Variants in OR6C2 observed in about 807,000 individuals in gnomAD.
OR6C2 encodes olfactory receptor family 6 subfamily C member 2.
For synonymous variants in OR6C2, 146 were observed against 134.2 expected (o/e 1.09, Z -0.61); for missense variants, 435 against 365.8 (o/e 1.19, Z -1.54).
chr12:55,445,276 T>A (rs1871341270), intron 1 of OR6C2, among the ~76,000 whole-genome samples: 1 of 152,180 alleles, frequency 6.6e-6, no homozygotes, highest in African/African-American at 2.4e-5. Context: ...AAGTATGTAT[T>A]TTCCTGTAAT....
intron 1 of OR6C2, among the ~76,000 whole-genome samples, chr12:55,450,668 G>A (rs971713243): frequency 2.6e-5 from 4 of 152,036 alleles, no homozygotes; most frequent in Non-Finnish European, 5.9e-5. Context: ...CACCCTTGAA[G>A]AGTAGAGGGT....
intron 1 of OR6C2, among the ~76,000 whole-genome samples, chr12:55,445,830 C>A (rs922471568): frequency 3.3e-5 from 5 of 152,142 alleles, no homozygotes; most frequent in Non-Finnish European, 7.3e-5. Context: ...CAACAAACTT[C>A]CTTAATTGCC....
At position 55,452,218 on chromosome 12, in the gene OR6C2, A is replaced by C. The variant is rs1871487704; in HGVS notation, c.5A>C (p.Lys2Thr). Residue 2 changes from lysine to threonine, a missense_variant, in exon 2 of 2, where the codon AAA (lysine) becomes ACA (threonine). By Grantham distance (78) the Lys-to-Thr change is moderately conservative (BLOSUM62 -1). Coordinates refer to ENST00000641202, the MANE Select transcript of OR6C2 (RefSeq NM_054105.2). Reference sequence around the variant, plus strand: ...GGTAGATATCAAAGAACAGTGATGAAAAACCACACAGTAATAAGAACTTTT... The same window carrying C: ...GGTAGATATCAAAGAACAGTGATGACAAACCACACAGTAATAAGAACTTTT... MKNHTVIRTFIL... is the reference protein window; with the variant it reads MTNHTVIRTFIL... 6.4e-7 allele frequency: 1 copy of C among 1,556,488 alleles called. No homozygotes were observed. The highest frequency in any genetic ancestry group is 8.7e-7 in the Non-Finnish European group (1 of 1,152,212).
At chr12:55,450,536 G>A (rs1404022639) in intron 1 of OR6C2, among the ~76,000 whole-genome samples, 3 of 152,082 alleles carry the variant, frequency 2.0e-5, no homozygotes, top group Non-Finnish European at 4.4e-5. Context: ...CTCAAAGAAG[G>A]AGCATGACTT....
In OR6C2 at chr12:55,453,242, C is replaced by A; in HGVS notation, c.*90C>A. 2.4e-6 allele frequency: 2 copies of A among 850,618 alleles called. No individual in the cohort carries two copies. Among genetic ancestry groups the A allele is most frequent in the Non-Finnish European group, 3.7e-6 (2 of 546,172 alleles). 52.7% of individuals were successfully genotyped at this position (850,618 alleles called of 1,614,324 possible). A position where few individuals can be genotyped will look rare whatever the true frequency, so the allele number is the denominator to read the frequency against. ...AACTTATTTCATTGCTTCCTGACTA[C>A]AGTTTAGTCATGTGAACCTTCTCAA... On this transcript the variant is annotated 3_prime_UTR_variant, in exon 2 of 2. Transcript: ENST00000641202.
chr12:55,446,645 A>C (rs2120676157), intron 1 of OR6C2, among the ~76,000 whole-genome samples: 1 of 152,304 alleles, frequency 6.6e-6, no homozygotes, highest in East Asian at 1.9e-4. Context: ...GCACACAGCC[A>C]GTATACCTCA....
At chr12:55,448,643 C>CAAAAAAAAAAAAAAAAAA (rs59178718) in intron 1 of OR6C2, among the ~76,000 whole-genome samples, 62 of 71,676 alleles carry the variant, frequency 8.7e-4, no homozygotes, top group Admixed American at 1.1e-3. Context: ...CCATTCACTG[C>CAAAAAAAAAAAAAAAAAA]AAAAAAAAAA....
At chr12:55,448,298 T>G (rs1288674983) in intron 1 of OR6C2, among the ~76,000 whole-genome samples, 1 of 151,714 alleles carries the variant, frequency 6.6e-6, no homozygotes, top group Non-Finnish European at 1.5e-5. Flanking sequence ...ATAAGTTGTG[T>G]TCTAAATTCC....
intron 1 of OR6C2, among the ~76,000 whole-genome samples, chr12:55,447,352 A>G (rs1871383297): frequency 6.6e-6 from 1 of 150,938 alleles, no homozygotes; most frequent in Non-Finnish European, 1.5e-5. Context: ...AACACTTAAC[A>G]TGATATCTAT....
Position 55,452,275 on chromosome 12 carries a change from T to C in OR6C2, c.62T>C (p.Leu21Pro). The change falls in exon 2 of 2, where the codon CTG becomes CCG. Residue 21 changes from leucine to proline, a missense_variant. By Grantham distance (98) the Leu-to-Pro change is moderately conservative. Coordinates refer to ENST00000641202, the MANE Select transcript of OR6C2 (RefSeq NM_054105.2). ...CTGGGACTGACAGGTGACCCACACCTGCAAGTTCTGCTTTTTATCTTTCTA... is the reference window on the plus strand; with the variant it reads ...CTGGGACTGACAGGTGACCCACACCCGCAAGTTCTGCTTTTTATCTTTCTA... Reference protein sequence around the residue: ...ILLGLTGDPHLQVLLFIFLFL... With the variant: ...ILLGLTGDPHPQVLLFIFLFL... 6.2e-7 allele frequency: 1 copy of C among 1,612,838 alleles called. No homozygotes were observed. The highest frequency in any genetic ancestry group is 8.5e-7 in the Non-Finnish European group (1 of 1,179,332).
intron 1 of OR6C2, among the ~76,000 whole-genome samples, chr12:55,444,532 C>T (rs1871330297): frequency 6.6e-6 from 1 of 152,028 alleles, no homozygotes. Context: ...AATGTCTGGC[C>T]AGAAATAATT....
At chr12:55,445,602 A>G (rs529287957) in intron 1 of OR6C2, among the ~76,000 whole-genome samples, 1 of 152,338 alleles carries the variant, frequency 6.6e-6, no homozygotes, top group East Asian at 1.9e-4. Flanking sequence ...TTATTGCTCC[A>G]TGAACAGAAA....
chr12:55,450,571 G>GTGTC (rs1201333693), intron 1 of OR6C2, among the ~76,000 whole-genome samples: 1 of 152,094 alleles, frequency 6.6e-6, no homozygotes, highest in African/African-American at 2.4e-5. Context: ...GGTATGTGAG[G>GTGTC]TGTCTGTGGA....
Position 55,452,675 on chromosome 12 carries a change from T to C in OR6C2, c.462T>C (p.Ile154=). Residue 154 remains isoleucine (I), a synonymous_variant, in exon 2 of 2, where the codon ATT becomes ATC. Transcript: ENST00000641202. ...LCCWVAGLMI[I]VPPLSLGLQL... ...GTTGGGTGGCTGGCTTGATGATCAT[T>C]GTTCCACCACTTAGCTTAGGCCTCC... The C allele has an allele frequency of 6.2e-7, 1 of 1,613,834 alleles. No individual in the cohort carries two copies. The highest frequency in any genetic ancestry group is 8.5e-7 in the Non-Finnish European group (1 of 1,179,828).
chr12:55,452,318 G>C lies in OR6C2; in HGVS notation c.105G>C (p.Leu35Phe). The change falls in exon 2 of 2, where the codon TTG (leucine) becomes TTC (phenylalanine). Residue 35 changes from leucine (L) to phenylalanine (F), a missense_variant. Physicochemically the swap from Leu to Phe is conservative, Grantham distance 22. Transcript: ENST00000641202. ...TCTTTCTATTTCTCACCTACATGTT[G>C]AGTGTAACAGGGAACCTGACTATTA... is the stretch of plus-strand genomic sequence containing the variant. ...LFIFLFLTYM[L>F]SVTGNLTIIT... The C allele has an allele frequency of 4.3e-6, 7 of 1,613,406 alleles. No homozygotes were observed. Among genetic ancestry groups the C allele is most frequent in the Non-Finnish European group, 5.9e-6 (7 of 1,179,546 alleles).
rs1051763206 is a variant in OR6C2, at chr12:55,451,827, A to G, written c.-387A>G. On this transcript the variant is annotated 5_prime_UTR_variant, in exon 2 of 2. Coordinates refer to ENST00000641202, the MANE Select transcript of OR6C2 (RefSeq NM_054105.2). ...GTTATTAATTACCTGGATATATCCT[A>G]TATTCAGAGTTTGTCCTGGACAAAA... The G allele has an allele frequency of 1.2e-5, 2 of 168,094 alleles. No individual in the cohort carries two copies. The highest frequency in any genetic ancestry group is 4.8e-5 in the African/African-American group (2 of 41,908). The allele number at this position is 168,094 out of a possible 1,614,324, so 10.4% of individuals were successfully genotyped here. A position where few individuals can be genotyped will look rare whatever the true frequency, so the allele number is the denominator to read the frequency against.
chr12:55,445,620 A>G (rs1465361332), intron 1 of OR6C2, among the ~76,000 whole-genome samples: 2 of 152,212 alleles, frequency 1.3e-5, no homozygotes, highest in Non-Finnish European at 2.9e-5. Context: ...AAATAAACTC[A>G]TTTCCTCTTG....
intron 1 of OR6C2, among the ~76,000 whole-genome samples, chr12:55,450,467 G>A (rs771977207): frequency 2.6e-5 from 4 of 152,106 alleles, no homozygotes; most frequent in South Asian, 2.1e-4. Flanking sequence ...GAGCCTGGCA[G>A]TCCACATGAA....
rs1871486434 is a variant in OR6C2, at chr12:55,452,176, T to C, written c.-38T>C. 4.4e-6 allele frequency: 6 copies of C among 1,363,484 alleles called. No homozygotes were observed. The highest frequency in any genetic ancestry group is 6.0e-6 in the Non-Finnish European group (6 of 997,312). The allele number at this position is 1,363,484 out of a possible 1,614,324, so 84.5% of individuals were successfully genotyped here. A position where few individuals can be genotyped will look rare whatever the true frequency, so the allele number is the denominator to read the frequency against. On this transcript the variant is annotated 5_prime_UTR_variant, in exon 2 of 2. Coordinates refer to ENST00000641202, the MANE Select transcript of OR6C2 (RefSeq NM_054105.2). ...ATATCTACCCCCTCATAAACCGTGATTTTTAAAGGAGGATTGGGTAGATAT... is the reference window on the plus strand; with the variant it reads ...ATATCTACCCCCTCATAAACCGTGACTTTTAAAGGAGGATTGGGTAGATAT...
Sources: allele counts gnomAD v4.1 joint callset (sites outside exome capture counted in the v4.1 genomes callset), GRCh38; gene constraint gnomAD v4.1.1; transcripts MANE v1.5; gene names NCBI Gene and HGNC (gene_info 2026-07-23, HGNC 2026-07-21).